The following DISP1 variants were observed in gnomAD, a reference collection of about 807,000 sequenced individuals.
DISP1 encodes dispatched RND transporter family member 1.
In DISP1, 30 loss-of-function variants were observed where a neutral mutation model predicts 37.3. The observed-to-expected ratio is 0.80, with a 90% CI of 0.60 to 1.09. The LOEUF (loss-of-function observed/expected upper bound fraction) is 1.09, where lower values mean the gene tolerates loss of function less well. DISP1 is among the 50% of genes least tolerant of loss of function. DISP1 has a pLI of 0.00. For synonymous variants in DISP1, 634 were observed against 690.2 expected (o/e 0.92, Z 1.28); for missense variants, 1,598 against 1,879.5 (o/e 0.85, Z 2.77).
At chr1:222,907,458 C>T (rs527462078) in intron 1 of DISP1, among the ~76,000 whole-genome samples, 19 of 152,128 alleles carry the variant, frequency 1.2e-4, no homozygotes, top group African/African-American at 3.9e-4. Flanking sequence ...GGGAATTTCC[C>T]GGTGAGGAGT....
chr1:222,826,801 G>C (rs1057143495), intron 1 of DISP1, among the ~76,000 whole-genome samples: 4 of 152,106 alleles, frequency 2.6e-5, no homozygotes, highest in Non-Finnish European at 5.9e-5. Context: ...TCCTATCAGG[G>C]AGCTACTAAC....
At position 222,926,379 on chromosome 1, in the gene DISP1, A is replaced by T. The variant is rs1201242702; in HGVS notation, c.-158-2051A>T. ...CAGTTATGAATAAGGCACTATGAAT[A>T]TTCATGTACAGGTTTTTGTATGAAC... On this transcript the variant is annotated intron_variant, in intron 1 of 8. Coordinates refer to ENST00000675850, the MANE Select transcript of DISP1 (RefSeq NM_001377229.1). Among the ~76,000 whole-genome samples, 7 of 152,218 alleles carry T rather than the reference A, an allele frequency of 4.6e-5. No individual in the cohort carries two copies. The East Asian group carries it at 1.3e-3, about 29-fold the overall frequency.
At chr1:222,896,289 C>T (rs952329582) in intron 1 of DISP1, among the ~76,000 whole-genome samples, 1 of 150,930 alleles carries the variant, frequency 6.6e-6, no homozygotes, top group African/African-American at 2.4e-5. Flanking sequence ...GCCTGGGTGA[C>T]AGAGCACAAT....
At chr1:222,911,491 T>A (rs1250138157) in intron 1 of DISP1, among the ~76,000 whole-genome samples, 1 of 151,894 alleles carries the variant, frequency 6.6e-6, no homozygotes, top group East Asian at 1.9e-4. Flanking sequence ...TGGAAGAAAT[T>A]TTTTTTTGGC....
intron 1 of DISP1, among the ~76,000 whole-genome samples, chr1:222,815,880 G>C (rs1661097452): frequency 1.3e-5 from 2 of 152,152 alleles, no homozygotes; most frequent in Admixed American, 1.3e-4. Flanking sequence ...CACATGGAAA[G>C]CCAGTGCTGT....
chr1:222,895,738 A>T (rs1283423851), intron 1 of DISP1, among the ~76,000 whole-genome samples: 1 of 152,226 alleles, frequency 6.6e-6, no homozygotes, highest in African/African-American at 2.4e-5. Context: ...ATGATGGGTT[A>T]ACTGGATCTC....
intron 3 of DISP1, among the ~76,000 whole-genome samples, chr1:222,970,430 G>A (rs1676849023): frequency 6.6e-6 from 1 of 152,084 alleles, no homozygotes; most frequent in African/African-American, 2.4e-5. Context: ...TAAAATACTA[G>A]TTCTTGCCTA....
intron 1 of DISP1, among the ~76,000 whole-genome samples, chr1:222,892,568 C>T (rs975185792): frequency 6.6e-6 from 1 of 152,150 alleles, no homozygotes; most frequent in African/African-American, 2.4e-5. Context: ...TGTTACGTTA[C>T]TTGAATACTA....
intron 1 of DISP1, among the ~76,000 whole-genome samples, chr1:222,868,643 C>T (rs191160167): frequency 6.6e-6 from 1 of 152,034 alleles, no homozygotes; most frequent in Non-Finnish European, 1.5e-5. Context: ...AATGAACTTA[C>T]AACAGTGATG....
intron 1 of DISP1, among the ~76,000 whole-genome samples, chr1:222,829,134 A>G (rs948592919): frequency 1.3e-5 from 2 of 152,160 alleles, no homozygotes; most frequent in African/African-American, 4.8e-5. Context: ...GTTTATATTA[A>G]CTGCCCTCTA....
intron 1 of DISP1, among the ~76,000 whole-genome samples, chr1:222,869,197 A>G (rs1194402101): frequency 2.0e-5 from 3 of 152,150 alleles, no homozygotes; most frequent in African/African-American, 7.2e-5. Flanking sequence ...AGGGATGTCC[A>G]TGGTCTTAAG....
At chr1:222,848,992 A>C (rs570372415) in intron 1 of DISP1, among the ~76,000 whole-genome samples, 34 of 152,158 alleles carry the variant, frequency 2.2e-4, no homozygotes, top group Non-Finnish European at 4.0e-4. Context: ...GCAAAAAGTC[A>C]CATTTTTGGA....
intron 2 of DISP1, among the ~76,000 whole-genome samples, chr1:222,937,945 C>T (rs1326180882): frequency 6.6e-6 from 1 of 152,058 alleles, no homozygotes; most frequent in African/African-American, 2.4e-5. Context: ...GTGTCTCAAG[C>T]TCACCACAAC....
rs749035153 is a variant in DISP1, at chr1:223,004,295, G to T, written c.2898G>T (p.Trp966Cys). 6.2e-7 allele frequency: 1 copy of T among 1,614,138 alleles called. No individual in the cohort carries two copies. The highest frequency in any genetic ancestry group is 2.2e-5 in the East Asian group (1 of 44,876). ...SSAPEGLSNGWFVSNLEFYDL... is the reference protein window; with the variant it reads ...SSAPEGLSNGCFVSNLEFYDL... The stretch of plus-strand genomic sequence containing the variant: ...CCCCTGAAGGCCTCAGCAATGGTTG[G>T]TTTGTCAGCAATCTGGAGTTCTATG... Residue 966 changes from tryptophan to cysteine, a missense_variant, in exon 9 of 9, where the codon TGG becomes TGT. By Grantham distance (215) the Trp-to-Cys change is radical. Transcript: ENST00000675850. This position sits in a 1 kb window ranked among gnomAD's most constrained non-coding sequence, Gnocchi z 4.9.
At chr1:222,988,689 G>A (rs1488224704) in intron 4 of DISP1, among the ~76,000 whole-genome samples, 2 of 116,472 alleles carry the variant, frequency 1.7e-5, no homozygotes, top group Non-Finnish European at 3.3e-5. Flanking sequence ...ACAGAGTGTT[G>A]CTCACCCAGG....
chr1:222,901,592 A>G (rs1671587954), intron 1 of DISP1, among the ~76,000 whole-genome samples: 2 of 152,080 alleles, frequency 1.3e-5, no homozygotes, highest in African/African-American at 4.8e-5. Context: ...CAGTGGCGCG[A>G]TCTCTGCTCA....
At chr1:222,901,589 G>A (rs35699059) in intron 1 of DISP1, among the ~76,000 whole-genome samples, 18,730 of 152,044 alleles carry the variant, frequency 0.12, 1,321 homozygotes, top group East Asian at 0.31. Flanking sequence ...GTGCAGTGGC[G>A]CGATCTCTGC....
intron 1 of DISP1, among the ~76,000 whole-genome samples, chr1:222,887,409 T>C (rs1670655803): frequency 6.6e-6 from 1 of 152,106 alleles, no homozygotes; most frequent in African/African-American, 2.4e-5. Flanking sequence ...CTTAAATTCA[T>C]AGTTCAAAAT....
intron 3 of DISP1, among the ~76,000 whole-genome samples, chr1:222,975,316 GCACCC>G (rs1677234157): frequency 6.6e-6 from 1 of 152,062 alleles, no homozygotes. Context: ...GTGAGTTACC[GCACCC>G]ACCTGAGACT....
Sources: gnomAD v4.1 joint callset for allele counts (sites outside exome capture counted in the v4.1 genomes callset) on GRCh38, gnomAD v4.1.1 for gene constraint, Gnocchi (gnomAD v3.1) non-coding constraint, MANE v1.5 for transcripts, NCBI Gene and HGNC (gene_info 2026-07-23, HGNC 2026-07-21) for gene names.